Variants in PANX1 observed in about 807,000 individuals in gnomAD.
PANX1 encodes pannexin 1, also known as pannexin-1.
A neutral mutation model predicts 38.7 loss-of-function variants in PANX1; 30 were observed. The ratio of observed to expected loss-of-function variants is 0.78; its 90% CI spans 0.58 to 1.05. The LOEUF (loss-of-function observed/expected upper bound fraction) is 1.05. Among genes scored for constraint, PANX1 ranks in the 50% least tolerant of loss-of-function variants. The pLI, the probability that PANX1 is intolerant of heterozygous loss-of-function variation, is 0.00. For missense variants in PANX1, 551 were observed against 517.2 expected (o/e 1.07, Z -0.63); for synonymous variants, 230 against 212.2 (o/e 1.08, Z -0.73).
rs757589114 is a variant in PANX1, at chr11:94,180,890, T to C, written c.*21T>C. 19 of 1,414,490 alleles carry C rather than the reference T, an allele frequency of 1.3e-5. No individual in the cohort carries two copies. The East Asian group carries it at 4.3e-4, about 32-fold the overall frequency. 87.6% of individuals were successfully genotyped at this position (1,414,490 alleles called of 1,614,324 possible). ...GCTGATGATTTTTTTCCTTGAGCTG[T>C]AAATCTGTGACTTCTGCGACATGGG... On this transcript the variant is annotated 3_prime_UTR_variant, in exon 5 of 5. Transcript: ENST00000227638.
intron 1 of PANX1, among the ~76,000 whole-genome samples, chr11:94,134,436 T>A (rs1946663860): frequency 6.6e-6 from 1 of 152,190 alleles, no homozygotes; most frequent in African/African-American, 2.4e-5. Flanking sequence ...TCTCTAAAGT[T>A]ATGAATTCCC....
intron 2 of PANX1, among the ~76,000 whole-genome samples, chr11:94,163,774 T>A (rs1170579025): frequency 6.6e-6 from 1 of 152,240 alleles, no homozygotes; most frequent in Admixed American, 6.5e-5. Flanking sequence ...TATTCCCTCC[T>A]CAGTTTTTTT....
At chr11:94,163,923 A>G (rs1429750121) in intron 2 of PANX1, among the ~76,000 whole-genome samples, 1 of 152,104 alleles carries the variant, frequency 6.6e-6, no homozygotes, top group Non-Finnish European at 1.5e-5. Flanking sequence ...CTATTGGTCT[A>G]TTCAGGTTTT....
intron 2 of PANX1, 62 bp from the exon 3 acceptor site, chr11:94,178,307 G>A (rs1947258290): frequency 3.2e-6 from 4 of 1,245,080 alleles, no homozygotes; most frequent in Non-Finnish European, 4.7e-6. Context: ...AGCATCACTT[G>A]GCGCCATAGG....
At chr11:94,171,906 C>CTT (rs58904240) in intron 2 of PANX1, among the ~76,000 whole-genome samples, 9,224 of 145,244 alleles carry the variant, frequency 0.064, 1,068 homozygotes, top group African/African-American at 0.2. Context: ...TGAGAACTGG[C>CTT]TTTTTTTTTT....
chr11:94,168,025 G>C (rs945934120), intron 2 of PANX1, among the ~76,000 whole-genome samples: 1 of 152,198 alleles, frequency 6.6e-6, no homozygotes, highest in African/African-American at 2.4e-5. Flanking sequence ...GATTTTAGTG[G>C]AGAAGTGGGA....
chr11:94,175,741 C>G, intron 2 of PANX1: 1 of 984,666 alleles, frequency 1.0e-6, no homozygotes, highest in Non-Finnish European at 1.2e-6. Flanking sequence ...TTCCTTCTCC[C>G]CACAGCCAGC....
chr11:94,140,842 T>A (rs772696439), intron 1 of PANX1, among the ~76,000 whole-genome samples: 2 of 152,236 alleles, frequency 1.3e-5, no homozygotes, highest in Non-Finnish European at 2.9e-5. Flanking sequence ...ACCCATTACA[T>A]GTTCAGGTAT....
At chr11:94,177,929 C>T (rs1469802719) in intron 2 of PANX1, among the ~76,000 whole-genome samples, 1 of 151,862 alleles carries the variant, frequency 6.6e-6, no homozygotes, top group Non-Finnish European at 1.5e-5. Flanking sequence ...GTTTCTTTGG[C>T]ATTTTCCCAG....
intron 1 of PANX1, among the ~76,000 whole-genome samples, chr11:94,151,000 A>G (rs1244658363): frequency 6.6e-6 from 1 of 152,168 alleles, no homozygotes; most frequent in Non-Finnish European, 1.5e-5. Context: ...TGCTGCTACC[A>G]TTCACTAGCT....
At chr11:94,149,307 A>G (rs1946859496) in intron 1 of PANX1, among the ~76,000 whole-genome samples, 2 of 152,064 alleles carry the variant, frequency 1.3e-5, no homozygotes, top group Admixed American at 6.5e-5. Context: ...GTTACTTTCT[A>G]ATCATTTATA....
At chr11:94,150,635 G>C (rs1182633335) in intron 1 of PANX1, among the ~76,000 whole-genome samples, 1 of 152,062 alleles carries the variant, frequency 6.6e-6, no homozygotes, top group Non-Finnish European at 1.5e-5. Context: ...GAGCCCAGCT[G>C]TGCCGGTCCC....
At chr11:94,145,991 G>A (rs1946825047) in intron 1 of PANX1, among the ~76,000 whole-genome samples, 1 of 152,174 alleles carries the variant, frequency 6.6e-6, no homozygotes, top group Admixed American at 6.5e-5. Context: ...TAGTAACAAG[G>A]AGCACATCGA....
chr11:94,177,513 A>G (rs984170365), intron 2 of PANX1, among the ~76,000 whole-genome samples: 2 of 152,204 alleles, frequency 1.3e-5, no homozygotes, highest in African/African-American at 4.8e-5. Flanking sequence ...CAGAGTAGAC[A>G]TGATTGCCCA....
chr11:94,154,701 C>A (rs1946926047), intron 2 of PANX1, among the ~76,000 whole-genome samples: 1 of 152,090 alleles, frequency 6.6e-6, no homozygotes, highest in Non-Finnish European at 1.5e-5. Flanking sequence ...GCACTGGTCC[C>A]CTGCACAGTC....
chr11:94,151,205 G>C (rs1045069162), intron 1 of PANX1, among the ~76,000 whole-genome samples: 6 of 152,200 alleles, frequency 3.9e-5, no homozygotes, highest in African/African-American at 1.2e-4. Context: ...CATTTCTTAA[G>C]AGCTTCACAT....
At chr11:94,160,576 T>C (rs572772853) in intron 2 of PANX1, among the ~76,000 whole-genome samples, 145 of 152,322 alleles carry the variant, frequency 9.5e-4, no homozygotes, top group African/African-American at 3.3e-3. Flanking sequence ...TCCATTTGCT[T>C]GCTAGATCTT....
intron 1 of PANX1, among the ~76,000 whole-genome samples, chr11:94,136,256 C>T (rs1464214254): frequency 1.3e-5 from 2 of 151,866 alleles, no homozygotes; most frequent in East Asian, 3.9e-4. Flanking sequence ...AATGTGACTG[C>T]ATTAGAAGTT....
At chr11:94,133,106 C>G (rs532911131) in intron 1 of PANX1, among the ~76,000 whole-genome samples, 1 of 152,234 alleles carries the variant, frequency 6.6e-6, no homozygotes, top group East Asian at 1.9e-4. Flanking sequence ...GGCATAGCAG[C>G]AGGCTGATCT....
Sources: gnomAD v4.1 joint callset for allele counts (sites outside exome capture counted in the v4.1 genomes callset) on GRCh38, gnomAD v4.1.1 for gene constraint, MANE v1.5 for transcripts, NCBI Gene and HGNC (gene_info 2026-07-23, HGNC 2026-07-21) for gene names.